The following HMGA2 variants were observed in gnomAD, a reference collection of about 807,000 sequenced individuals.
The protein encoded by HMGA2 is high mobility group protein HMGI-C.
A neutral mutation model predicts 19.1 loss-of-function variants in HMGA2; 8 were observed. The observed-to-expected ratio is 0.42, with a 90% CI of 0.25 to 0.76. HMGA2 has a LOEUF of 0.76. Ranked by LOEUF, HMGA2 falls within the 30% of genes least tolerant of loss-of-function variation. The pLI is 0.28. For missense variants in HMGA2, 109 were observed against 136.3 expected, an observed-to-expected ratio of 0.80 and a Z score of 1.00; for synonymous variants, 60 against 48.8, an observed-to-expected ratio of 1.23 and a Z score of -0.96.
At chr12:65,912,884 TATATAA>T (rs1223970909) in intron 3 of HMGA2, among the ~76,000 whole-genome samples, 1 of 152,216 alleles carries the variant, frequency 6.6e-6, no homozygotes, top group Non-Finnish European at 1.5e-5. Flanking sequence ...GTTATTCATC[TATATAA>T]ATATAAAGTT....
At chr12:65,881,163 A>T (rs980494878) in intron 3 of HMGA2, 7 of 155,036 alleles carry the variant, frequency 4.5e-5, no homozygotes, top group Admixed American at 3.7e-4. Flanking sequence ...GGCTATCCTG[A>T]CACTTTGCCC....
chr12:65,927,957 ATATATATATG>A (rs1403722500), intron 3 of HMGA2, among the ~76,000 whole-genome samples: 1 of 148,594 alleles, frequency 6.7e-6, no homozygotes, highest in Non-Finnish European at 1.5e-5. Context: ...GAGTATATAT[ATATATATATG>A]TATGTATGTA....
chr12:65,852,859 T>G (rs1342706440), intron 3 of HMGA2, among the ~76,000 whole-genome samples: 2 of 152,172 alleles, frequency 1.3e-5, no homozygotes. Context: ...GAGAGAGAGA[T>G]GAGCAGAAGA....
chr12:65,881,667 G>T, intron 3 of HMGA2: 1 of 687,822 alleles, frequency 1.5e-6, no homozygotes, highest in South Asian at 1.6e-5. Context: ...AGAGAGAGAG[G>T]GGAGAAATAT....
chr12:65,935,953 G>A (rs895575157), intron 3 of HMGA2, among the ~76,000 whole-genome samples: 3 of 152,022 alleles, frequency 2.0e-5, no homozygotes, highest in Non-Finnish European at 4.4e-5. Context: ...AGTGCTTAAG[G>A]CACTGCATTC....
intron 3 of HMGA2, among the ~76,000 whole-genome samples, chr12:65,896,719 A>G (rs1024105688): frequency 1.1e-4 from 17 of 152,216 alleles, no homozygotes; most frequent in Admixed American, 5.2e-4. Flanking sequence ...TCTGATCTAC[A>G]GTAGCTTCAC....
rs1376518929 is a variant in HMGA2 at position 65,838,544 on chromosome 12, G to A, written c.224G>A (p.Arg75Gln). ...QKKAEATGEK[R>Q]PRGRPRKWPQ... is the part of the protein sequence containing the mutation. The stretch of plus-strand genomic sequence containing the variant: ...AAAGCAGAAGCCACTGGAGAAAAAC[G>A]GCCAAGAGGCAGACCTAGGAAATGG... The change falls in exon 3 of 5, where the codon CGG becomes CAG. Residue 75 changes from arginine (R) to glutamine (Q), a missense_variant. Coordinates refer to ENST00000403681, the MANE Select transcript of HMGA2 (RefSeq NM_003483.6). The A allele has an allele frequency of 2.5e-6, 4 of 1,611,982 alleles. No homozygotes were observed. Among genetic ancestry groups the A allele is most frequent in the Non-Finnish European group, 2.5e-6 (3 of 1,178,512 alleles).
intron 3 of HMGA2, among the ~76,000 whole-genome samples, chr12:65,914,373 C>T (rs562842465): frequency 2.0e-5 from 3 of 151,790 alleles, no homozygotes; most frequent in East Asian, 3.9e-4. Context: ...AATCATCATT[C>T]TCAGTAAACT....
intron 2 of HMGA2, among the ~76,000 whole-genome samples, chr12:65,832,757 A>G (rs945903185): frequency 6.6e-6 from 1 of 152,038 alleles, no homozygotes; most frequent in African/African-American, 2.4e-5. Flanking sequence ...ACACTGAGCA[A>G]TTTTGAATGG....
intron 3 of HMGA2, among the ~76,000 whole-genome samples, chr12:65,899,269 A>C (rs1440922409): frequency 6.6e-6 from 1 of 152,186 alleles, no homozygotes; most frequent in Non-Finnish European, 1.5e-5. Flanking sequence ...CTTATATTTC[A>C]TAGCTTGTAG....
rs1180942808 is a variant in HMGA2, at chr12:65,888,554, C to CTTTTT, written c.249+50008_249+50012dup. ...AGGAATAGAGTGCCCGTGGTGTGCTCTTTTTTTTTTTTTTTTTTTTTTTTT... is the reference window on the plus strand; with the variant it reads ...AGGAATAGAGTGCCCGTGGTGTGCTCTTTTTTTTTTTTTTTTTTTTTTTTTTTTTT... On this transcript the variant is annotated intron_variant, in intron 3 of 4. Coordinates refer to ENST00000403681, the MANE Select transcript of HMGA2 (RefSeq NM_003483.6). Among the ~76,000 whole-genome samples the CTTTTT allele has an allele frequency of 2.8e-3, 115 of 40,578 alleles. 42 individuals are homozygous for CTTTTT. The highest frequency in any genetic ancestry group is 9.0e-3 in the African/African-American group (90 of 9,948). The allele number at this position is 40,578 out of a possible 152,430, so 26.6% of individuals were successfully genotyped here. A position where few individuals can be genotyped will look rare whatever the true frequency, so the allele number is the denominator to read the frequency against.
At chr12:65,927,471 T>C (rs1456404449) in intron 3 of HMGA2, among the ~76,000 whole-genome samples, 2 of 152,224 alleles carry the variant, frequency 1.3e-5, no homozygotes, top group Non-Finnish European at 2.9e-5. Context: ...TCTTCACTTT[T>C]AAGTGGCTGT....
At chr12:65,869,503 AG>A (rs1256516784) in intron 3 of HMGA2, among the ~76,000 whole-genome samples, 1 of 152,174 alleles carries the variant, frequency 6.6e-6, no homozygotes, top group Non-Finnish European at 1.5e-5. Flanking sequence ...GTCAATTCTT[AG>A]GGATCATAGT....
At chr12:65,961,149 T>A (rs752454862) in intron 4 of HMGA2, among the ~76,000 whole-genome samples, 7 of 152,250 alleles carry the variant, frequency 4.6e-5, no homozygotes, top group Non-Finnish European at 8.8e-5. Context: ...GAATAAAATA[T>A]ACTTGCTGGC....
intron 3 of HMGA2, among the ~76,000 whole-genome samples, chr12:65,862,490 T>A (rs886136026): frequency 3.9e-5 from 6 of 152,194 alleles, no homozygotes; most frequent in Non-Finnish European, 7.3e-5. Context: ...AACTAAATAT[T>A]TTTGAAAGTG....
chr12:65,963,303 C>T lies in HMGA2; in HGVS notation c.*11C>T, dbSNP rs1876807599. ...GCCGAAGAGGACTAGGGGGCGCCAA[C>T]GTTCGATTTCTACCTCAGCAGCAGT... On this transcript the variant is annotated 3_prime_UTR_variant, in exon 5 of 5. Coordinates refer to ENST00000403681, the MANE Select transcript of HMGA2 (RefSeq NM_003483.6). 1 of 1,612,754 alleles carries T rather than the reference C, an allele frequency of 6.2e-7. No individual in the cohort carries two copies. The highest frequency in any genetic ancestry group is 8.5e-7 in the Non-Finnish European group (1 of 1,179,344).
chr12:65,860,522 A>G, intron 3 of HMGA2, among the ~76,000 whole-genome samples: 1 of 152,212 alleles, frequency 6.6e-6, no homozygotes, highest in East Asian at 1.9e-4. Context: ...TTGAACAGTT[A>G]TCTTTACCAG....
At chr12:65,908,976 T>C (rs576358390) in intron 3 of HMGA2, among the ~76,000 whole-genome samples, 4 of 152,356 alleles carry the variant, frequency 2.6e-5, no homozygotes, top group African/African-American at 7.2e-5. Flanking sequence ...TGGCAGAAGA[T>C]TTGTTTTGCT....
rs1379394902 is a variant in HMGA2, at chr12:65,824,693, G to C, written c.-578G>C. The C allele has an allele frequency of 5.2e-6, 1 of 192,742 alleles. No homozygotes were observed. Among genetic ancestry groups the C allele is most frequent in the Non-Finnish European group, 1.0e-5 (1 of 99,464 alleles). The allele number at this position is 192,742 out of a possible 1,614,324, so 11.9% of individuals were successfully genotyped here. Reference sequence around the variant, plus strand: ...CTCCTTTGCTTTCCGACTGCCCAAGGCACTTTCAATCTCAATCTCTTCTCT... The same window carrying C: ...CTCCTTTGCTTTCCGACTGCCCAAGCCACTTTCAATCTCAATCTCTTCTCT... On this transcript the variant is annotated 5_prime_UTR_variant, in exon 1 of 5. Coordinates refer to ENST00000403681, the MANE Select transcript of HMGA2 (RefSeq NM_003483.6).
Sources: allele counts gnomAD v4.1 joint callset (sites outside exome capture counted in the v4.1 genomes callset), GRCh38; gene constraint gnomAD v4.1.1; transcripts MANE v1.5; gene names NCBI Gene and HGNC (gene_info 2026-07-23, HGNC 2026-07-21).